The following ARHGEF38 variants were observed in gnomAD, a reference collection of about 807,000 sequenced individuals.
ARHGEF38 encodes the protein Rho guanine nucleotide exchange factor (GEF) 38.
Under a neutral mutation model 79.9 loss-of-function variants are expected in ARHGEF38, and 79 were observed. The ratio of observed to expected loss-of-function variants is 0.99; its 90% confidence interval spans 0.82 to 1.19. ARHGEF38 has a LOEUF of 1.19. ARHGEF38 is among the 50% of genes most tolerant of loss of function. ARHGEF38 has a pLI of 0.00. For missense variants in ARHGEF38, 962 were observed against 907.2 expected, an observed-to-expected ratio of 1.06 and a Z score of -0.78; for synonymous variants, 366 against 328.3, an observed-to-expected ratio of 1.11 and a Z score of -1.24.
intron 2 of ARHGEF38, among the ~76,000 whole-genome samples, chr4:105,597,041 C>A (rs78583682): frequency 0.043 from 6,540 of 152,282 alleles, 195 homozygotes; most frequent in Middle Eastern, 0.12. Context: ...CAGCCCAGCT[C>A]CTCAGACCCC....
chr4:105,554,360 C>T (rs1725154928), intron 1 of ARHGEF38, among the ~76,000 whole-genome samples: 1 of 152,164 alleles, frequency 6.6e-6, no homozygotes, highest in Admixed American at 6.5e-5. Context: ...CTGTCCGTTT[C>T]TCGCCACTCC....
At chr4:105,596,740 C>A (rs549623352) in intron 2 of ARHGEF38, among the ~76,000 whole-genome samples, 1 of 152,286 alleles carries the variant, frequency 6.6e-6, no homozygotes, top group South Asian at 2.1e-4. Flanking sequence ...AGCTTCAGCA[C>A]GTCATGGGAA....
At chr4:105,624,667 G>A (rs1728870039) in intron 3 of ARHGEF38, among the ~76,000 whole-genome samples, 1 of 152,134 alleles carries the variant, frequency 6.6e-6, no homozygotes, top group Non-Finnish European at 1.5e-5. Flanking sequence ...TGCTCCCTTG[G>A]AGAACAGAAT....
intron 2 of ARHGEF38, among the ~76,000 whole-genome samples, chr4:105,604,209 A>G (rs761895648): frequency 2.0e-5 from 3 of 152,198 alleles, no homozygotes; most frequent in Non-Finnish European, 2.9e-5. Context: ...AAATTTAAAC[A>G]GTAATGCTTA....
At chr4:105,625,007 A>G (rs1728884806) in intron 3 of ARHGEF38, among the ~76,000 whole-genome samples, 1 of 151,974 alleles carries the variant, frequency 6.6e-6, no homozygotes, top group African/African-American at 2.4e-5. Flanking sequence ...TATTCTAAAT[A>G]CTCTGCCTTG....
chr4:105,680,813 GCTTCT>G lies in ARHGEF38; in HGVS notation c.*2883_*2887del, dbSNP rs933857137. 6.6e-6 allele frequency: 1 copy of G among 152,124 alleles called. No homozygotes were observed. Among genetic ancestry groups the G allele is most frequent in the African/African-American group, 2.4e-5 (1 of 41,444 alleles). The allele number at this position is 152,124 out of a possible 1,614,324, so 9.4% of individuals were successfully genotyped here. A position where few individuals can be genotyped will look rare whatever the true frequency, so the allele number is the denominator to read the frequency against. On this transcript the variant is annotated 3_prime_UTR_variant, in exon 14 of 14. Transcript: ENST00000420470. ...AGGTACAACAGAAATTAAAATAATT[GCTTCT>G]CTTCTCAACTCTATGTAGCACGTAT...
At chr4:105,573,593 C>T (rs1005029485) in intron 1 of ARHGEF38, among the ~76,000 whole-genome samples, 1 of 152,112 alleles carries the variant, frequency 6.6e-6, no homozygotes, top group African/African-American at 2.4e-5. Context: ...TGTATTTATG[C>T]CAGTACCACA....
intron 1 of ARHGEF38, among the ~76,000 whole-genome samples, chr4:105,588,019 G>A (rs1298589467): frequency 1.3e-5 from 2 of 152,306 alleles, no homozygotes; most frequent in East Asian, 3.9e-4. Flanking sequence ...GTGGACCAGA[G>A]AGAGAGCTCA....
intron 1 of ARHGEF38, among the ~76,000 whole-genome samples, chr4:105,586,427 C>T (rs375053798): frequency 6.6e-6 from 1 of 152,058 alleles, no homozygotes; most frequent in African/African-American, 2.4e-5. Flanking sequence ...ATTTCACCCA[C>T]CTTGCCCCCA....
chr4:105,595,850 C>T (rs1727555504), intron 2 of ARHGEF38, among the ~76,000 whole-genome samples: 1 of 152,068 alleles, frequency 6.6e-6, no homozygotes, highest in Admixed American at 6.6e-5. Context: ...AATACAGATG[C>T]ATTTTAAAAA....
chr4:105,604,653 G>A (rs1426857840), intron 2 of ARHGEF38, among the ~76,000 whole-genome samples: 1 of 151,978 alleles, frequency 6.6e-6, no homozygotes, highest in Non-Finnish European at 1.5e-5. Flanking sequence ...TCAGATATTG[G>A]GCCTAAAGGA....
Position 105,582,369 on chromosome 4 carries a change from A to C in ARHGEF38, c.197-6879A>C, listed in dbSNP as rs191898042. 2.5e-3 allele frequency among the ~76,000 whole-genome samples: 372 copies of C among 151,352 alleles called. 3 individuals are homozygous for C. Among genetic ancestry groups the C allele is most frequent in the Middle Eastern group, 0.014 (4 of 294 alleles). On this transcript the variant is annotated intron_variant, in intron 1 of 13. Coordinates refer to ENST00000420470, the MANE Select transcript of ARHGEF38 (RefSeq NM_001242729.2). ...ACTCTTGCTTCTTTTCTTGTATATG[A>C]ATTTAAGCCTATAAATTTTCTGTAA...
chr4:105,648,798 C>T, intron 7 of ARHGEF38, 116 bp downstream of exon 7: 1 of 1,005,850 alleles, frequency 9.9e-7, no homozygotes, highest in Non-Finnish European at 1.4e-6. Flanking sequence ...AGGTAATTGC[C>T]CTATGCTGTT....
chr4:105,673,989 A>G (rs1384997719), intron 13 of ARHGEF38, among the ~76,000 whole-genome samples: 4 of 152,192 alleles, frequency 2.6e-5, no homozygotes, highest in African/African-American at 4.8e-5. Flanking sequence ...TTTTAGTTTT[A>G]GAACAGAAGA....
intron 1 of ARHGEF38, among the ~76,000 whole-genome samples, chr4:105,558,170 C>T (rs934613855): frequency 6.6e-6 from 1 of 152,054 alleles, no homozygotes. Context: ...CAGATTGTGC[C>T]ATGTGGGGAC....
intron 2 of ARHGEF38, among the ~76,000 whole-genome samples, chr4:105,603,736 A>G (rs1727921878): frequency 6.6e-6 from 1 of 152,156 alleles, no homozygotes; most frequent in Non-Finnish European, 1.5e-5. Context: ...GAAGCATTCA[A>G]GCATCCCTGA....
At chr4:105,630,826 T>A in intron 3 of ARHGEF38, 72 bp from the exon 4 acceptor site, 1 of 1,370,940 alleles carries the variant, frequency 7.3e-7, no homozygotes, top group Non-Finnish European at 9.9e-7. Flanking sequence ...GAGTCGACAT[T>A]GTTGAAAATA....
intron 13 of ARHGEF38, among the ~76,000 whole-genome samples, chr4:105,669,790 T>C (rs1001050393): frequency 2.6e-5 from 4 of 152,148 alleles, no homozygotes; most frequent in African/African-American, 9.7e-5. Flanking sequence ...CCATTTGTAG[T>C]CCCTCCTCTT....
chr4:105,613,460 T>C lies in ARHGEF38; in HGVS notation c.461T>C (p.Leu154Ser), dbSNP rs1728385120. 2 of 1,613,374 alleles carry C rather than the reference T, an allele frequency of 1.2e-6. No homozygotes were observed. The highest frequency in any genetic ancestry group is 1.1e-5 in the South Asian group (1 of 91,002). Residue 154 changes from leucine to serine, a missense_variant, in exon 3 of 14, where the codon TTG becomes TCG. Leu to Ser is a moderately radical substitution (Grantham distance 145). Coordinates refer to ENST00000420470, the MANE Select transcript of ARHGEF38 (RefSeq NM_001242729.2). The part of the protein sequence containing the change: ...VHQISAKLLS[L>S]LEEATTDVEP... ...CAGATATCAGCCAAGCTGCTGTCAT[T>C]GTTGGAAGAGGCCACAACAGACGTG...
Sources: gnomAD v4.1 joint callset for allele counts (sites outside exome capture counted in the v4.1 genomes callset) on GRCh38, gnomAD v4.1.1 for gene constraint, MANE v1.5 for transcripts, NCBI Gene and HGNC (gene_info 2026-07-23, HGNC 2026-07-21) for gene names.